AHRR: variants seen among roughly 807,000 people sequenced by gnomAD.
AHRR encodes the protein aryl hydrocarbon receptor repressor, also known as ahR repressor.
Under a neutral mutation model 44.0 loss-of-function variants are expected in AHRR, and 28 were observed. The observed-to-expected ratio is 0.64, with a 90% confidence interval of 0.47 to 0.87. AHRR has a LOEUF of 0.87. Among genes scored for constraint, AHRR ranks in the 40% least tolerant of loss-of-function variants. The pLI is 0.00. For missense variants in AHRR, 990 were observed against 953.9 expected, an observed-to-expected ratio of 1.04 and a Z score of -0.50; for synonymous variants, 434 against 407.0, an observed-to-expected ratio of 1.07 and a Z score of -0.80.
At chr5:381,374 C>G (rs11744805) in intron 4 of AHRR, among the ~76,000 whole-genome samples, 15,039 of 152,136 alleles carry the variant, frequency 0.099, 1,029 homozygotes, top group Admixed American at 0.13. Flanking sequence ...GCCTCATTTT[C>G]CTTCCTTATT....
Position 434,855 on chromosome 5 carries a change from C to A in AHRR, c.*21C>A. The A allele has an allele frequency of 2.0e-6, 3 of 1,529,500 alleles. No homozygotes were observed. The highest frequency in any genetic ancestry group is 2.6e-6 in the Non-Finnish European group (3 of 1,133,064). The allele number at this position is 1,529,500 out of a possible 1,614,324, so 94.7% of individuals were successfully genotyped here. Reference sequence around the variant, plus strand: ...CATAGCGCAGTGACCACCATCCAAGCTCAGATCTGTGTGTCTACGCTCAGA... The same window carrying A: ...CATAGCGCAGTGACCACCATCCAAGATCAGATCTGTGTGTCTACGCTCAGA... On this transcript the variant is annotated 3_prime_UTR_variant, in exon 11 of 11. Coordinates refer to ENST00000684583, the MANE Select transcript of AHRR (RefSeq NM_001377236.1).
intron 1 of AHRR, among the ~76,000 whole-genome samples, chr5:339,375 C>G (rs1032344287): frequency 6.6e-6 from 1 of 152,212 alleles, no homozygotes; most frequent in Admixed American, 6.5e-5. Flanking sequence ...CCCACCTTGG[C>G]CTCCCAAAGT....
chr5:391,232 A>G (rs1734401077), intron 4 of AHRR, among the ~76,000 whole-genome samples: 1 of 152,214 alleles, frequency 6.6e-6, no homozygotes, highest in South Asian at 2.1e-4. Context: ...GAGGATTCAG[A>G]GGCTGCACAC....
chr5:415,242 G>C (rs1420385356), intron 5 of AHRR, among the ~76,000 whole-genome samples: 1 of 152,272 alleles, frequency 6.6e-6, no homozygotes, highest in Non-Finnish European at 1.5e-5. Context: ...AAGGGTCCCA[G>C]AGCCAGCATT....
chr5:415,302 G>C (rs1257966985), intron 5 of AHRR, among the ~76,000 whole-genome samples: 1 of 148,104 alleles, frequency 6.8e-6, no homozygotes, highest in Non-Finnish European at 1.5e-5. Flanking sequence ...AATCTGCCTG[G>C]TCGGGTGGGA....
intron 4 of AHRR, among the ~76,000 whole-genome samples, chr5:392,570 A>G (rs1734514908): frequency 6.6e-6 from 1 of 152,190 alleles, no homozygotes; most frequent in Non-Finnish European, 1.5e-5. Flanking sequence ...GAAACCCAAC[A>G]GTGACTCGTT....
intron 7 of AHRR, 182 bp from the exon 8 acceptor site, chr5:427,625 A>G (rs1044343128): frequency 6.2e-7 from 1 of 1,612,796 alleles, no homozygotes; most frequent in Non-Finnish European, 8.5e-7. Flanking sequence ...AGCACATCGA[A>G]TCACTCTGCA....
intron 4 of AHRR, 118 bp from the exon 5 acceptor site, chr5:413,226 A>G: frequency 1.5e-6 from 1 of 666,716 alleles, no homozygotes; most frequent in East Asian, 2.8e-5. Flanking sequence ...TCTAGAGGTT[A>G]TGAATATGGA....
In AHRR at chr5:404,334, ACT is replaced by A. The variant is rs546763488; in HGVS notation, c.352-9007_352-9006del. The A allele has an allele frequency of 6.1e-4, 277 of 456,930 alleles. 1 individual carries two copies. Among genetic ancestry groups the A allele is most frequent in the South Asian group, 4.5e-3 (267 of 59,626 alleles). The allele number at this position is 456,930 out of a possible 1,614,324, so 28.3% of individuals were successfully genotyped here. ...TTCCAGTGTTACTAAAAGCTGTTTC[ACT>A]CTTTTTTTTTTCTTTTTTCCTTCAT... On this transcript the variant is annotated intron_variant, in intron 4 of 10. Coordinates refer to ENST00000684583, the MANE Select transcript of AHRR (RefSeq NM_001377236.1). This position sits in a 1 kb window ranked among gnomAD's most constrained non-coding sequence, Gnocchi z 4.1.
At chr5:410,106 G>A (rs1735414399) in intron 4 of AHRR, among the ~76,000 whole-genome samples, 2 of 152,194 alleles carry the variant, frequency 1.3e-5, no homozygotes, top group African/African-American at 4.8e-5. Context: ...GAGCTTTATA[G>A]GAAGCCATGA....
At chr5:420,599 C>G (rs542319494) in intron 5 of AHRR, among the ~76,000 whole-genome samples, 78 of 152,316 alleles carry the variant, frequency 5.1e-4, no homozygotes, top group African/African-American at 1.8e-3. Context: ...CAGAGCTAGA[C>G]CCATGAGGAA....
chr5:399,795 G>GC (rs1428963055), intron 4 of AHRR, among the ~76,000 whole-genome samples: 1 of 152,222 alleles, frequency 6.6e-6, no homozygotes, highest in African/African-American at 2.4e-5. Context: ...CTCTTCTAGG[G>GC]CCCCGGGGCT....
At chr5:426,658 G>A (rs1350289810) in intron 7 of AHRR, among the ~76,000 whole-genome samples, 1 of 151,418 alleles carries the variant, frequency 6.6e-6, no homozygotes, top group South Asian at 2.1e-4. Flanking sequence ...TAGAAAGATG[G>A]ATGGGTGGAT....
At chr5:401,513 GGAC>G in intron 4 of AHRR, among the ~76,000 whole-genome samples, 1 of 152,356 alleles carries the variant, frequency 6.6e-6, no homozygotes, top group South Asian at 2.1e-4. Flanking sequence ...GCACAGGCAG[GGAC>G]GATCCTGGGC....
intron 1 of AHRR, among the ~76,000 whole-genome samples, chr5:331,789 A>G (rs1741921408): frequency 6.6e-6 from 1 of 152,156 alleles, no homozygotes; most frequent in Non-Finnish European, 1.5e-5. Flanking sequence ...AACTGTGCTT[A>G]CGAAGGATCT....
chr5:430,603 T>A (rs1246550801), intron 8 of AHRR, among the ~76,000 whole-genome samples: 2 of 152,252 alleles, frequency 1.3e-5, no homozygotes, highest in Non-Finnish European at 1.5e-5. Flanking sequence ...AGTTCCATCC[T>A]CACCTTTGAC....
intron 4 of AHRR, among the ~76,000 whole-genome samples, chr5:398,114 A>G (rs867463047): frequency 9.7e-4 from 108 of 111,818 alleles, no homozygotes; most frequent in Middle Eastern, 0.013. Flanking sequence ...GCTCCTGACC[A>G]TCCACGTAGC....
rs1240451347 is a variant in AHRR at position 388,542 on chromosome 5, G to A, written c.351+11826G>A. On this transcript the variant is annotated intron_variant, in intron 4 of 10. Coordinates refer to ENST00000684583, the MANE Select transcript of AHRR (RefSeq NM_001377236.1). The surrounding 1 kb of genome is among the most constrained non-coding windows in gnomAD (Gnocchi z 5.2). ...GGAGTGGGGTTTGGACACCCGGCAG[G>A]TCTCTTCCAAACCAGGGCGTCTGCG... Among the ~76,000 whole-genome samples the A allele has an allele frequency of 6.6e-6, 1 of 152,194 alleles. No homozygotes were observed. Among genetic ancestry groups the A allele is most frequent in the Non-Finnish European group, 1.5e-5 (1 of 68,028 alleles).
chr5:328,568 C>T (rs542107462), intron 1 of AHRR, among the ~76,000 whole-genome samples: 3 of 152,180 alleles, frequency 2.0e-5, no homozygotes, highest in Admixed American at 2.0e-4. Context: ...TAATAATAGC[C>T]ATTCTGACTG....
Sources: allele counts gnomAD v4.1 joint callset (sites outside exome capture counted in the v4.1 genomes callset), GRCh38; gene constraint gnomAD v4.1.1; non-coding constraint Gnocchi (gnomAD v3.1); transcripts MANE v1.5; gene names NCBI Gene and HGNC (gene_info 2026-07-23, HGNC 2026-07-21).